Variants in NAA15 observed in about 807,000 individuals in gnomAD.
The protein encoded by NAA15 is N-terminal acetyltransferase.
In NAA15, 34 loss-of-function variants were observed where a neutral mutation model predicts 114.0. That is an observed-to-expected ratio of 0.30 (90% confidence interval 0.23 to 0.40). NAA15 has a LOEUF of 0.40. Among genes scored for constraint, NAA15 ranks in the 10% least tolerant of loss-of-function variants. The pLI, the probability that NAA15 is intolerant of heterozygous loss-of-function variation, is 1.00. For synonymous variants in NAA15, 340 were observed against 338.0 expected, an observed-to-expected ratio of 1.01 and a Z score of -0.06; for missense variants, 658 against 1,004.5, an observed-to-expected ratio of 0.66 and a Z score of 4.66.
chr4:139,313,464 A>C (rs1233150555), intron 1 of NAA15, among the ~76,000 whole-genome samples: 1 of 151,852 alleles, frequency 6.6e-6, no homozygotes, highest in East Asian at 1.9e-4. Flanking sequence ...GTTAGCTGAT[A>C]TAAACTTTGT....
rs1333469559 is a variant in NAA15, at chr4:139,361,801, G to A, written c.1617G>A (p.Val539=). The A allele has an allele frequency of 2.5e-6, 4 of 1,612,690 alleles. No homozygotes were observed. The East Asian group carries it at 6.7e-5, about 27-fold the overall frequency. Residue 539 remains valine, a synonymous_variant, in exon 14 of 20, where the codon GTG becomes GTA. Coordinates refer to ENST00000296543, the MANE Select transcript of NAA15 (RefSeq NM_057175.5). ...GGAAGATTACCCTTAGATCATATGT[G>A]GACTTATTAAAACTAGAAGATGTAC... is the stretch of plus-strand genomic sequence containing the variant. ...CMRKITLRSY[V]DLLKLEDVLR... is the part of the protein sequence containing the mutation.
At chr4:139,369,923 G>C (rs1748387773) in intron 14 of NAA15, among the ~76,000 whole-genome samples, 1 of 151,992 alleles carries the variant, frequency 6.6e-6, no homozygotes, top group African/African-American at 2.4e-5. Context: ...TGCTACCTCA[G>C]CCTCCTGAGT....
chr4:139,339,443 G>A (rs1306035674), intron 3 of NAA15, among the ~76,000 whole-genome samples: 2 of 152,210 alleles, frequency 1.3e-5, no homozygotes, highest in Non-Finnish European at 2.9e-5. Flanking sequence ...GCTACAGTGA[G>A]CTATGAGTGT....
Position 139,354,090 on chromosome 4 carries a change from A to C in NAA15, c.1079A>C (p.Asn360Thr). 1 of 1,612,910 alleles carries C rather than the reference A, an allele frequency of 6.2e-7. No individual in the cohort carries two copies. The highest frequency in any genetic ancestry group is 8.5e-7 in the Non-Finnish European group (1 of 1,179,114). Residue 360 changes from asparagine to threonine, a missense_variant, in exon 10 of 20, where the codon AAC (asparagine) becomes ACC (threonine). Around this residue, in one of 6 missense-constraint regions of NAA15, gnomAD observed 281 missense variants for 389.1 expected, o/e 0.72. Coordinates refer to ENST00000296543, the MANE Select transcript of NAA15 (RefSeq NM_057175.5). ...ETSLKSCRLF[N>T]PNDDGKEEPP... ...TCTCTAAAAAGCTGCCGGTTATTTA[A>C]CCCCAATGGTAAGTCCTCAAGTTTT...
intron 6 of NAA15, among the ~76,000 whole-genome samples, chr4:139,345,308 C>G (rs1443684564): frequency 6.6e-6 from 1 of 152,082 alleles, no homozygotes; most frequent in Non-Finnish European, 1.5e-5. Flanking sequence ...CTGTTAATCA[C>G]AAAGGAAGGA....
At chr4:139,307,630 A>G (rs1471543415) in intron 1 of NAA15, among the ~76,000 whole-genome samples, 2 of 152,218 alleles carry the variant, frequency 1.3e-5, no homozygotes, top group East Asian at 3.8e-4. Context: ...TGAATTTTTA[A>G]TTAATCTTAA....
rs373761987 is a variant in NAA15, at chr4:139,378,814, T to C, written c.2115T>C (p.His705=). The part of the protein sequence containing the change: ...VKRAFAIDSS[H]PWLHECMIRL... ...GGGCATTTGCTATTGATTCTAGTCA[T>C]CCCTGGCTTCATGAGTGTATGATTC... Residue 705 remains histidine, a synonymous_variant, in exon 17 of 20, where the codon CAT becomes CAC. Transcript: ENST00000296543. 182 of 1,557,190 alleles carry C rather than the reference T, an allele frequency of 1.2e-4. No homozygotes were observed. The African/African-American group carries it at 2.4e-3, about 20-fold the overall frequency.
chr4:139,359,955 T>G, intron 12 of NAA15, 60 bp downstream of exon 12: 1 of 1,427,416 alleles, frequency 7.0e-7, no homozygotes, highest in Non-Finnish European at 9.3e-7. Flanking sequence ...TTCATACTTG[T>G]ATAACATGCT....
intron 9 of NAA15, 121 bp from the exon 10 acceptor site, chr4:139,353,905 A>G: frequency 1.5e-6 from 1 of 683,670 alleles, no homozygotes. Flanking sequence ...TATTTTTAAT[A>G]AAGGAGGGTG....
chr4:139,375,897 G>C (rs1579134466), intron 15 of NAA15, among the ~76,000 whole-genome samples: 1 of 150,376 alleles, frequency 6.6e-6, no homozygotes, highest in South Asian at 2.1e-4. Flanking sequence ...ACGAATTCCT[G>C]TAGAATTTAT....
intron 1 of NAA15, among the ~76,000 whole-genome samples, chr4:139,311,687 T>A (rs1746229066): frequency 2.6e-5 from 4 of 152,078 alleles, no homozygotes; most frequent in African/African-American, 9.7e-5. Flanking sequence ...CTTCAGATAG[T>A]AGGGCTCAGC....
chr4:139,384,037 G>A (rs928500492), intron 17 of NAA15, among the ~76,000 whole-genome samples: 2 of 152,158 alleles, frequency 1.3e-5, no homozygotes, highest in Non-Finnish European at 2.9e-5. Flanking sequence ...AGGTTGAGGG[G>A]GCAGCTCTAG....
At chr4:139,314,556 T>C (rs754383803) in intron 1 of NAA15, among the ~76,000 whole-genome samples, 4 of 151,908 alleles carry the variant, frequency 2.6e-5, no homozygotes, top group Non-Finnish European at 5.9e-5. Flanking sequence ...TATGGCTGTT[T>C]ACTAAGAGCC....
At chr4:139,335,418 T>G (rs1747166633) in intron 2 of NAA15, among the ~76,000 whole-genome samples, 1 of 152,148 alleles carries the variant, frequency 6.6e-6, no homozygotes, top group African/African-American at 2.4e-5. Flanking sequence ...CAGGCTGGAG[T>G]GCAGTGGCGC....
chr4:139,332,286 A>T (rs542569517), intron 1 of NAA15, among the ~76,000 whole-genome samples: 1 of 151,950 alleles, frequency 6.6e-6, no homozygotes, highest in East Asian at 1.9e-4. Flanking sequence ...GCCCGCCACC[A>T]TGCCCAGCTA....
intron 1 of NAA15, among the ~76,000 whole-genome samples, chr4:139,325,208 T>C (rs1274904193): frequency 6.6e-6 from 1 of 152,216 alleles, no homozygotes; most frequent in Non-Finnish European, 1.5e-5. Flanking sequence ...TTTGGGCATT[T>C]TTATTGTCCA....
intron 1 of NAA15, among the ~76,000 whole-genome samples, chr4:139,319,254 A>G (rs778462593): frequency 6.6e-6 from 1 of 152,138 alleles, no homozygotes; most frequent in Admixed American, 6.5e-5. Flanking sequence ...AGATCATGCT[A>G]CTGCACTCCA....
chr4:139,351,853 A>C (rs1178834945), intron 9 of NAA15, among the ~76,000 whole-genome samples: 1 of 150,926 alleles, frequency 6.6e-6, no homozygotes, highest in Non-Finnish European at 1.5e-5. Context: ...TTAATGAGTC[A>C]CTGTAGGTTA....
At chr4:139,326,360 T>A (rs908716973) in intron 1 of NAA15, among the ~76,000 whole-genome samples, 2 of 152,178 alleles carry the variant, frequency 1.3e-5, no homozygotes, top group Non-Finnish European at 2.9e-5. Context: ...ATTAAATAAA[T>A]TTTCCCTGTA....
Sources: allele counts gnomAD v4.1 joint callset (sites outside exome capture counted in the v4.1 genomes callset), GRCh38; gene constraint gnomAD v4.1.1; regional missense constraint gnomAD v4.1.1; transcripts MANE v1.5; gene names NCBI Gene and HGNC (gene_info 2026-07-23, HGNC 2026-07-21).